Variants in TRIM6 observed in about 807,000 individuals in gnomAD.
TRIM6 encodes tripartite motif-containing protein 6.
A neutral mutation model predicts 51.2 loss-of-function variants in TRIM6; 43 were observed. That is an observed-to-expected ratio of 0.84 (90% CI 0.66 to 1.08). The LOEUF (loss-of-function observed/expected upper bound fraction) is 1.08. Ranked by LOEUF, TRIM6 falls within the 50% of genes least tolerant of loss-of-function variation. The pLI, the probability that TRIM6 is intolerant of heterozygous loss-of-function variation, is 0.00. For missense variants in TRIM6, 669 were observed against 619.0 expected (o/e 1.08, Z -0.86); for synonymous variants, 215 against 232.4 (o/e 0.93, Z 0.68).
chr11:5,604,391 T>G, intron 2 of TRIM6, 143 bp from the exon 3 acceptor site: 1 of 813,822 alleles, frequency 1.2e-6, no homozygotes, highest in Non-Finnish European at 1.8e-6. Context: ...ATATAAAAGA[T>G]TTGTTGGCCC....
At chr11:5,596,377 TAA>T, upstream of TRIM6, among the ~76,000 whole-genome samples, 1 of 152,190 alleles carries the variant, frequency 6.6e-6, no homozygotes, top group Non-Finnish European at 1.5e-5. Context: ...ATAGGCCGTG[TAA>T]AGAGAGTTAA....
rs1308275421 is a variant in TRIM6 at position 5,611,890 on chromosome 11, G to C, written c.*548G>C. 3 of 152,290 alleles carry C rather than the reference G, an allele frequency of 2.0e-5. No homozygotes were observed. The highest frequency in any genetic ancestry group is 7.2e-5 in the African/African-American group (3 of 41,434). The allele number at this position is 152,290 out of a possible 1,614,324, so 9.4% of individuals were successfully genotyped here. ...GCCATTAAGCATAGTATTTGATGCA[G>C]GTTTTTTTTGATTGATGCAGGGGAT... On this transcript the variant is annotated 3_prime_UTR_variant, in exon 8 of 8. Transcript: ENST00000380097.
chr11:5,597,115 T>C (rs1231481104), intron 1 of TRIM6, among the ~76,000 whole-genome samples: 2 of 152,186 alleles, frequency 1.3e-5, no homozygotes. Flanking sequence ...GTTAGGAGCA[T>C]AGATGCCGCA....
rs572852667 is a variant in TRIM6, at chr11:5,610,000, G to A, written c.858-145G>A. The A allele has an allele frequency of 9.4e-6, 7 of 743,994 alleles. No homozygotes were observed. The African/African-American group carries it at 1.2e-4, about 13-fold the overall frequency. 46.1% of individuals were successfully genotyped at this position (743,994 alleles called of 1,614,324 possible). On this transcript the variant is annotated intron_variant, in intron 5 of 7. Transcript: ENST00000380097. The stretch of plus-strand genomic sequence containing the variant: ...TTCTAGTCTAGCTCTTCTGGCTCCA[G>A]TGCCAGGGCTGTTTGCAGAATGATG...
intron 3 of TRIM6, chr11:5,604,893 G>C: frequency 2.2e-6 from 1 of 460,256 alleles, no homozygotes; most frequent in East Asian, 4.0e-5. Context: ...TCTGGGTCTT[G>C]CTCTACAGTT....
chr11:5,603,471 A>G lies in TRIM6; in HGVS notation c.243A>G (p.Glu81=). Residue 81 remains glutamate (E), a synonymous_variant, in exon 2 of 8, where the codon GAA becomes GAG. Transcript: ENST00000380097. The part of the protein sequence containing the change: ...GRESVIGQEG[E]RSCPVCQTSY... Reference sequence around the variant, plus strand: ...AATCAGTGATTGGTCAAGAAGGGGAAAGAAGCTGCCCTGTGTGCCAGACCA... The same window carrying G: ...AATCAGTGATTGGTCAAGAAGGGGAGAGAAGCTGCCCTGTGTGCCAGACCA... 6.2e-7 allele frequency: 1 copy of G among 1,614,116 alleles called. No homozygotes were observed. Among genetic ancestry groups the G allele is most frequent in the Non-Finnish European group, 8.5e-7 (1 of 1,180,024 alleles).
At chr11:5,606,346 T>C (rs1382196714) in intron 4 of TRIM6, among the ~76,000 whole-genome samples, 1 of 152,210 alleles carries the variant, frequency 6.6e-6, no homozygotes, top group Non-Finnish European at 1.5e-5. Flanking sequence ...GGACTTGAAC[T>C]GAGGTTGAAA....
chr11:5,600,572 T>G (rs531084682), intron 1 of TRIM6, among the ~76,000 whole-genome samples: 2 of 152,202 alleles, frequency 1.3e-5, no homozygotes, highest in Admixed American at 6.5e-5. Flanking sequence ...TCTCAGGCCC[T>G]TTCTTCTAAG....
intron 3 of TRIM6, 93 bp from the exon 4 acceptor site, chr11:5,605,244 G>A: frequency 6.4e-7 from 1 of 1,568,270 alleles, no homozygotes; most frequent in Non-Finnish European, 8.7e-7. Context: ...CTTGGCCCAG[G>A]AAAGCAGTCC....
At chr11:5,600,223 G>A (rs1360059686) in intron 1 of TRIM6, among the ~76,000 whole-genome samples, 2 of 152,110 alleles carry the variant, frequency 1.3e-5, no homozygotes, top group South Asian at 2.1e-4. Flanking sequence ...CACCGGCCCC[G>A]CCACTTGAAA....
chr11:5,599,837 A>G (rs886576120), intron 1 of TRIM6, among the ~76,000 whole-genome samples: 3 of 152,186 alleles, frequency 2.0e-5, no homozygotes, highest in Non-Finnish European at 4.4e-5. Context: ...TTAATTGATC[A>G]TTTCCTGTGT....
rs533680874 is a variant in TRIM6 at position 5,602,234 on chromosome 11, A to T, written c.18-1012A>T. ...GGCGGGCGGATCATGAGGTCAGGAGATCGAGACCATCCTGGCTAACACAGT... is the reference window on the plus strand; with the variant it reads ...GGCGGGCGGATCATGAGGTCAGGAGTTCGAGACCATCCTGGCTAACACAGT... On this transcript the variant is annotated intron_variant, in intron 1 of 7. Coordinates refer to ENST00000380097, the MANE Select transcript of TRIM6 (RefSeq NM_001003818.3). Among the ~76,000 whole-genome samples, 12 of 152,100 alleles carry T rather than the reference A, an allele frequency of 7.9e-5. No homozygotes were observed. In the South Asian group the frequency reaches 2.3e-3, roughly 29 times the overall value.
chr11:5,601,865 G>A (rs117555628), intron 1 of TRIM6, among the ~76,000 whole-genome samples: 6 of 152,116 alleles, frequency 3.9e-5, no homozygotes, highest in South Asian at 2.1e-4. Flanking sequence ...GAGCAGGGCC[G>A]TTAAGAAGTG....
Position 5,610,212 on chromosome 11 carries a change from C to T in TRIM6, c.925C>T (p.Pro309Ser), listed in dbSNP as rs1407618332. 1.2e-6 allele frequency: 2 copies of T among 1,613,848 alleles called. No individual in the cohort carries two copies. The highest frequency in any genetic ancestry group is 1.7e-6 in the Non-Finnish European group (2 of 1,179,994). Residue 309 changes from proline to serine, a missense_variant, in exon 6 of 8, where the codon CCA becomes TCA. Physicochemically the swap from Pro to Ser is moderately conservative, Grantham distance 74 (BLOSUM62 -1). Transcript: ENST00000380097. ...PTKLRSMFRA[P>S]DLKRMLRVCR... ...AAAGCTGAGAAGTATGTTCCGAGCC[C>T]CAGATCTGAAAAGGATGCTGCGAGT...
At position 5,611,250 on chromosome 11, in the gene TRIM6, T is replaced by G; in HGVS notation, c.1459T>G (p.Phe487Val). The change falls in exon 8 of 8, where the codon TTC (phenylalanine) becomes GTC (valine). Residue 487 changes from phenylalanine to valine, a missense_variant. Phe to Val is a conservative substitution (Grantham distance 50, BLOSUM62 -1). Transcript: ENST00000380097. Reference sequence around the variant, plus strand: ...AAACCATGGCTTCCCCATCTACACTTTCTCTAAATATTACTTTCCCACTAC... The same window carrying G: ...AAACCATGGCTTCCCCATCTACACTGTCTCTAAATATTACTTTCCCACTAC... ...VTNHGFPIYT[F>V]SKYYFPTTLC... 1 of 1,614,048 alleles carries G rather than the reference T, an allele frequency of 6.2e-7. No homozygotes were observed. The highest frequency in any genetic ancestry group is 8.5e-7 in the Non-Finnish European group (1 of 1,179,940).
At chr11:5,602,181 C>T (rs1406297772) in intron 1 of TRIM6, among the ~76,000 whole-genome samples, 3 of 152,190 alleles carry the variant, frequency 2.0e-5, no homozygotes, top group Non-Finnish European at 2.9e-5. Context: ...TGGCTCATGC[C>T]TGTAGTCCCA....
chr11:5,604,622 C>G lies in TRIM6; in HGVS notation c.596C>G (p.Ser199Cys), dbSNP rs757133578. Reference protein sequence around the residue: ...LTAFIREKKTSWKNQMEPERC... With the variant: ...LTAFIREKKTCWKNQMEPERC... ...GCTTTTATCAGAGAGAAGAAAACAT[C>G]CTGGAAGGCAAGGGAGACTTTTTCT... Residue 199 changes from serine to cysteine, a missense_variant, in exon 3 of 8, where the codon TCC (serine) becomes TGC (cysteine). Physicochemically the swap from Ser to Cys is moderately radical, Grantham distance 112. Transcript: ENST00000380097. 1 of 1,611,140 alleles carries G rather than the reference C, an allele frequency of 6.2e-7. No individual in the cohort carries two copies. The highest frequency in any genetic ancestry group is 1.7e-5 in the Admixed American group (1 of 59,602).
Position 5,611,123 on chromosome 11 carries a change from G to A in TRIM6, c.1332G>A (p.Glu444=). The A allele has an allele frequency of 6.2e-7, 1 of 1,614,162 alleles. No individual in the cohort carries two copies. Among genetic ancestry groups the A allele is most frequent in the Non-Finnish European group, 8.5e-7 (1 of 1,180,048 alleles). Residue 444 remains glutamate (E), a synonymous_variant, in exon 8 of 8, where the codon GAG becomes GAA. Coordinates refer to ENST00000380097, the MANE Select transcript of TRIM6 (RefSeq NM_001003818.3). ...LQHNHEYRAY[E]DSSPSLLLSM... ...ATAACCATGAATATAGGGCCTATGA[G>A]GATTCTTCCCCTTCCCTGCTTCTCT...
Position 5,611,153 on chromosome 11 carries a change from G to C in TRIM6, c.1362G>C (p.Met454Ile). ...CTTCCCCTTCCCTGCTTCTCTCCAT[G>C]ACAGTGCCCCCTCGCCGTGTTGGGG... The part of the protein sequence containing the change: ...EDSSPSLLLS[M>I]TVPPRRVGVF... The change falls in exon 8 of 8, where the codon ATG (methionine) becomes ATC (isoleucine). Residue 454 changes from methionine (M) to isoleucine (I), a missense_variant. By Grantham distance (10) the Met-to-Ile change is conservative (BLOSUM62 1). Coordinates refer to ENST00000380097, the MANE Select transcript of TRIM6 (RefSeq NM_001003818.3). 6.2e-7 allele frequency: 1 copy of C among 1,614,128 alleles called. No homozygotes were observed. Among genetic ancestry groups the C allele is most frequent in the Non-Finnish European group, 8.5e-7 (1 of 1,180,046 alleles).
Sources: allele counts gnomAD v4.1 joint callset (sites outside exome capture counted in the v4.1 genomes callset), GRCh38; gene constraint gnomAD v4.1.1; transcripts MANE v1.5; gene names NCBI Gene and HGNC (gene_info 2026-07-23, HGNC 2026-07-21).